The following UPB1 variants were observed in gnomAD, a reference collection of about 807,000 sequenced individuals.
UPB1 encodes the protein beta-ureidopropionase 1, also known as beta-ureidopropionase.
In UPB1, 40 loss-of-function variants were observed where a neutral mutation model predicts 49.1. The ratio of observed to expected loss-of-function variants is 0.81; its 90% CI spans 0.63 to 1.06. The LOEUF is 1.06. Among genes scored for constraint, UPB1 ranks in the 50% least tolerant of loss-of-function variants. The pLI is 0.00. For synonymous variants in UPB1, 207 were observed against 198.2 expected (o/e 1.04, Z -0.38); for missense variants, 499 against 505.9 (o/e 0.99, Z 0.13).
At chr22:24,514,036 G>A (rs896046469) in intron 5 of UPB1, among the ~76,000 whole-genome samples, 1 of 152,124 alleles carries the variant, frequency 6.6e-6, no homozygotes, top group South Asian at 2.1e-4. Flanking sequence ...AAGTTGGGGG[G>A]GCCATTTTGG....
chr22:24,502,435 C>A (rs148485438), intron 3 of UPB1: 44 of 783,014 alleles, frequency 5.6e-5, no homozygotes, highest in African/African-American at 5.2e-4. Context: ...TGAATCCATT[C>A]GCTCCTCTCC....
rs202081655 is a variant in UPB1, at chr22:24,509,361, G to GA, written c.365-1353dup. ...ATCTGTGTGTATGTACCTACTGTTT[G>GA]AAAAAAAAAAAAAAAAAAAAAAAAA... On this transcript the variant is annotated intron_variant, in intron 3 of 9. Transcript: ENST00000326010. 5.4e-3 allele frequency among the ~76,000 whole-genome samples: 500 copies of GA among 92,098 alleles called. 18 individuals are homozygous for GA. Among genetic ancestry groups the GA allele is most frequent in the East Asian group, 7.6e-3 (23 of 3,034 alleles). The allele number at this position is 92,098 out of a possible 152,430, so 60.4% of individuals were successfully genotyped here. A position where few individuals can be genotyped will look rare whatever the true frequency, so the allele number is the denominator to read the frequency against.
chr22:24,525,064 C>T (rs1382315431), intron 9 of UPB1, among the ~76,000 whole-genome samples: 1 of 152,200 alleles, frequency 6.6e-6, no homozygotes, highest in East Asian at 1.9e-4. Flanking sequence ...GCCAAGAATG[C>T]TGGCCAACTC....
rs1191266496 is a variant in UPB1 at position 24,502,231 on chromosome 22, T to G, written c.364+18T>G. ...AGCATGGAGTGAGTCTTTTTTATGG[T>G]GCTTTCTCTGCTGCCTTCAAACAAT... is the stretch of plus-strand genomic sequence containing the variant. On this transcript the variant is annotated intron_variant, in intron 3 of 9. Coordinates refer to ENST00000326010, the MANE Select transcript of UPB1 (RefSeq NM_016327.3). 6.2e-7 allele frequency: 1 copy of G among 1,608,504 alleles called. No homozygotes were observed. The highest frequency in any genetic ancestry group is 8.5e-7 in the Non-Finnish European group (1 of 1,174,878).
Position 24,515,217 on chromosome 22 carries a change from A to G in UPB1, c.638A>G (p.Glu213Gly), listed in dbSNP as rs755892229. 6.2e-7 allele frequency: 1 copy of G among 1,614,122 alleles called. No homozygotes were observed. The highest frequency in any genetic ancestry group is 1.1e-5 in the South Asian group (1 of 91,078). The stretch of plus-strand genomic sequence containing the variant: ...GCTTTTCAGTCAACTTACTACATGG[A>G]GGGAAACCTGGGCCACCCCGTGTTC... ...GDFNESTYYM[E>G]GNLGHPVFQT... The change falls in exon 6 of 10, where the codon GAG becomes GGG. Residue 213 changes from glutamate (E) to glycine (G), a missense_variant. By Grantham distance (98) the Glu-to-Gly change is moderately conservative. Coordinates refer to ENST00000326010, the MANE Select transcript of UPB1 (RefSeq NM_016327.3).
At position 24,517,887 on chromosome 22, in the gene UPB1, A is replaced by C. The variant is rs1040943491; in HGVS notation, c.792-2500A>C. Among the ~76,000 whole-genome samples, 6 of 152,212 alleles carry C rather than the reference A, an allele frequency of 3.9e-5. No homozygotes were observed. In the East Asian group the frequency reaches 9.6e-4, roughly 24 times the overall value. ...ACAATCTAAAAGAGGAGGGAAGGCC[A>C]GGCACAGTAGCTCACATTTGTAATC... On this transcript the variant is annotated intron_variant, in intron 6 of 9. Transcript: ENST00000326010.
At chr22:24,512,418 G>A (rs910420393) in intron 4 of UPB1, among the ~76,000 whole-genome samples, 1 of 152,180 alleles carries the variant, frequency 6.6e-6, no homozygotes, top group Non-Finnish European at 1.5e-5. Context: ...GACCCGCTGG[G>A]CTGCTCATCC....
rs539129887 is a variant in UPB1, at chr22:24,497,189, A to G, written c.104+1682A>G. On this transcript the variant is annotated intron_variant, in intron 1 of 9. Coordinates refer to ENST00000326010, the MANE Select transcript of UPB1 (RefSeq NM_016327.3). ...GAAAAAGGCAAGTTGAAGAACAGAAAATACAGAATGATACCATTGTATTTG... is the reference window on the plus strand; with the variant it reads ...GAAAAAGGCAAGTTGAAGAACAGAAGATACAGAATGATACCATTGTATTTG... Among the ~76,000 whole-genome samples the G allele has an allele frequency of 1.3e-4, 20 of 152,340 alleles. No homozygotes were observed. In the East Asian group the frequency reaches 3.9e-3, roughly 29 times the overall value.
intron 1 of UPB1, 68 bp downstream of exon 1, chr22:24,495,575 A>G: frequency 6.4e-7 from 1 of 1,564,230 alleles, no homozygotes; most frequent in East Asian, 2.2e-5. Flanking sequence ...GGGAGCAGGC[A>G]GGGAGGGCCT....
chr22:24,517,612 A>G (rs1478951686), intron 6 of UPB1, among the ~76,000 whole-genome samples: 2 of 152,202 alleles, frequency 1.3e-5, no homozygotes, highest in Non-Finnish European at 2.9e-5. Context: ...GGCTCCAGTT[A>G]GGCAAACAGA....
intron 6 of UPB1, chr22:24,520,064 C>T (rs2044360024): frequency 2.4e-6 from 1 of 419,760 alleles, no homozygotes. Context: ...AACTGAGGCT[C>T]AGGATGAGGA....
At position 24,502,468 on chromosome 22, in the gene UPB1, C is replaced by T. The variant is rs573176249; in HGVS notation, c.364+255C>T. On this transcript the variant is annotated intron_variant, in intron 3 of 9. Transcript: ENST00000326010. ...TCCATCTCTCTACCACCACCTGGTCCAAGCCCCTGGCAGCTCACCTCTGGC... is the reference window on the plus strand; with the variant it reads ...TCCATCTCTCTACCACCACCTGGTCTAAGCCCCTGGCAGCTCACCTCTGGC... The T allele has an allele frequency of 1.2e-5, 9 of 781,066 alleles. No individual in the cohort carries two copies. In the African/African-American group the frequency reaches 1.5e-4, roughly 13 times the overall value. 48.4% of individuals were successfully genotyped at this position (781,066 alleles called of 1,614,324 possible). A position where few individuals can be genotyped will look rare whatever the true frequency, so the allele number is the denominator to read the frequency against.
Position 24,523,743 on chromosome 22 carries a change from C to T in UPB1, c.1041C>T (p.Cys347=), listed in dbSNP as rs778898427. Reference sequence around the variant, plus strand: ...TTGCTAAGCTCGACCTAAACCTCTGCCAGCAGGTGAATGATGTCTGGAACT... The same window carrying T: ...TTGCTAAGCTCGACCTAAACCTCTGTCAGCAGGTGAATGATGTCTGGAACT... ...LLVAKLDLNL[C]QQVNDVWNFK... Residue 347 remains cysteine, a synonymous_variant, in exon 9 of 10, where the codon TGC becomes TGT. Transcript: ENST00000326010. The T allele has an allele frequency of 8.1e-6, 13 of 1,614,154 alleles. No individual in the cohort carries two copies. Among genetic ancestry groups the T allele is most frequent in the Non-Finnish European group, 1.1e-5 (13 of 1,180,056 alleles).
At chr22:24,495,559 G>T (rs2043854761) in intron 1 of UPB1, 52 bp downstream of exon 1, 1 of 1,597,414 alleles carries the variant, frequency 6.3e-7, no homozygotes, top group Non-Finnish European at 8.6e-7. Context: ...CAGAGTGTGG[G>T]TCTGGGGGAG....
chr22:24,523,913 G>A, intron 9 of UPB1, 140 bp downstream of exon 9: 1 of 1,298,086 alleles, frequency 7.7e-7, no homozygotes, highest in Non-Finnish European at 1.1e-6. Flanking sequence ...GCTGAGGGCT[G>A]AATCTCTGCC....
At chr22:24,519,929 A>C (rs905152351) in intron 6 of UPB1, 1 of 277,928 alleles carries the variant, frequency 3.6e-6, no homozygotes, top group African/African-American at 2.2e-5. Flanking sequence ...CCAGCCCAGC[A>C]GGTGGGTTCC....
At chr22:24,514,254 T>C (rs1167227975) in intron 5 of UPB1, among the ~76,000 whole-genome samples, 1 of 151,928 alleles carries the variant, frequency 6.6e-6, no homozygotes, top group Admixed American at 6.5e-5. Context: ...AGAAATGGCC[T>C]GCAGAGCTAG....
At chr22:24,496,843 T>C (rs1357296187) in intron 1 of UPB1, among the ~76,000 whole-genome samples, 1 of 152,068 alleles carries the variant, frequency 6.6e-6, no homozygotes, top group Non-Finnish European at 1.5e-5. Flanking sequence ...CAGAAATGTC[T>C]AGCGGGTGAG....
In UPB1 at chr22:24,509,361, G is replaced by GAA. The variant is rs202081655; in HGVS notation, c.365-1354_365-1353dup. 2.8e-3 allele frequency among the ~76,000 whole-genome samples: 259 copies of GAA among 92,112 alleles called. 13 individuals are homozygous for GAA. Among genetic ancestry groups the GAA allele is most frequent in the African/African-American group, 3.9e-3 (84 of 21,320 alleles). 60.4% of individuals were successfully genotyped at this position (92,112 alleles called of 152,430 possible). ...ATCTGTGTGTATGTACCTACTGTTT[G>GAA]AAAAAAAAAAAAAAAAAAAAAAAAA... On this transcript the variant is annotated intron_variant, in intron 3 of 9. Coordinates refer to ENST00000326010, the MANE Select transcript of UPB1 (RefSeq NM_016327.3).
Sources: gnomAD v4.1 joint callset for allele counts (sites outside exome capture counted in the v4.1 genomes callset) on GRCh38, gnomAD v4.1.1 for gene constraint, MANE v1.5 for transcripts, NCBI Gene and HGNC (gene_info 2026-07-23, HGNC 2026-07-21) for gene names.